The following RAB10 variants were observed in gnomAD, a reference collection of about 807,000 sequenced individuals.
The protein encoded by RAB10 is RAB10, member RAS oncogene family.
A neutral mutation model predicts 25.7 loss-of-function variants in RAB10; 5 were observed. The observed-to-expected ratio is 0.19, with a 90% CI of 0.10 to 0.41. The LOEUF (loss-of-function observed/expected upper bound fraction) is 0.41, where lower values mean the gene tolerates loss of function less well. RAB10 is among the 10% of genes least tolerant of loss of function. The probability of loss-of-function intolerance (pLI) is 1.00; values close to 1 mark genes in which losing one functional copy is unlikely to be tolerated. For missense variants in RAB10, 103 were observed against 245.8 expected (o/e 0.42, Z 3.89); for synonymous variants, 89 against 86.4 (o/e 1.03, Z -0.16).
intron 3 of RAB10, among the ~76,000 whole-genome samples, chr2:26,123,853 AAAG>A (rs1667853031): frequency 6.6e-6 from 1 of 152,160 alleles, no homozygotes; most frequent in African/African-American, 2.4e-5. Flanking sequence ...AAAAAGCAAA[AAAG>A]AAATTACAAT....
chr2:26,098,484 C>T (rs1251991289), intron 1 of RAB10, 178 bp from the exon 2 acceptor site: 3 of 556,444 alleles, frequency 5.4e-6, no homozygotes, highest in Non-Finnish European at 9.4e-6. Context: ...TATCCTGGAT[C>T]TTGTATTACT....
intron 1 of RAB10, among the ~76,000 whole-genome samples, chr2:26,071,290 C>T (rs1321707429): frequency 6.6e-6 from 1 of 152,216 alleles, no homozygotes; most frequent in African/African-American, 2.4e-5. Flanking sequence ...CTTGAAAGAA[C>T]AACTGGCAAA....
At chr2:26,034,003 C>G (rs1665697718), upstream of RAB10, 1 of 398,752 alleles carries the variant, frequency 2.5e-6, no homozygotes, top group Admixed American at 4.4e-5. Flanking sequence ...CGGCGCGCCC[C>G]CATGCCCTCT....
chr2:26,041,553 AAAAAAAAAAAAAAG>A (rs1302429248), intron 1 of RAB10, among the ~76,000 whole-genome samples: 5 of 150,026 alleles, frequency 3.3e-5, no homozygotes, highest in African/African-American at 1.2e-4. Context: ...CAAAAAAAAA[AAAAAAAAAAAAAAG>A]AATGTTAGCT....
chr2:26,123,991 A>G (rs1310443287), intron 3 of RAB10, among the ~76,000 whole-genome samples: 2 of 152,062 alleles, frequency 1.3e-5, no homozygotes, highest in South Asian at 2.1e-4. Context: ...AGCCTACTCA[A>G]TTTGAAGACA....
chr2:26,041,567 G>A (rs3856396), intron 1 of RAB10, among the ~76,000 whole-genome samples: 83,286 of 117,720 alleles, frequency 0.71, 27,961 homozygotes, highest in East Asian at 0.87. Flanking sequence ...AAAAAAAAAA[G>A]AATGTTAGCT....
In RAB10 at chr2:26,071,772, C is replaced by T. The variant is rs144845634; in HGVS notation, c.128-26890C>T. On this transcript the variant is annotated intron_variant, in intron 1 of 5. Transcript: ENST00000264710. Reference sequence around the variant, plus strand: ...ATTCCAGCTACCCAAGAGGCTGAAGCGGGAGGATTGTTTGAGCCTGGGAGT... The same window carrying T: ...ATTCCAGCTACCCAAGAGGCTGAAGTGGGAGGATTGTTTGAGCCTGGGAGT... Among the ~76,000 whole-genome samples, 390 of 151,512 alleles carry T rather than the reference C, an allele frequency of 2.6e-3. 5 individuals carry two copies. In the East Asian group the frequency reaches 0.033, roughly 13 times the overall value.
intron 1 of RAB10, among the ~76,000 whole-genome samples, chr2:26,065,838 T>C (rs1428470863): frequency 6.6e-6 from 1 of 152,198 alleles, no homozygotes; most frequent in Non-Finnish European, 1.5e-5. Flanking sequence ...TGGTAAAATA[T>C]TATAGTCTTT....
chr2:26,086,018 G>C (rs1201208454), intron 1 of RAB10, among the ~76,000 whole-genome samples: 1 of 114,986 alleles, frequency 8.7e-6, no homozygotes, highest in Non-Finnish European at 1.8e-5. Flanking sequence ...AAAAAAAAAA[G>C]GGGGGGGGCA....
At chr2:26,060,645 A>C (rs1666375005) in intron 1 of RAB10, among the ~76,000 whole-genome samples, 1 of 152,190 alleles carries the variant, frequency 6.6e-6, no homozygotes, top group South Asian at 2.1e-4. Flanking sequence ...CAGTGAGAAA[A>C]TTTTGGATTA....
intron 1 of RAB10, among the ~76,000 whole-genome samples, chr2:26,078,617 G>A (rs1194940607): frequency 6.6e-6 from 1 of 152,116 alleles, no homozygotes; most frequent in African/African-American, 2.4e-5. Flanking sequence ...AAAGAGGGGA[G>A]GGGTTGCGGA....
At chr2:26,131,556 A>G (rs1284183012) in intron 5 of RAB10, among the ~76,000 whole-genome samples, 1 of 152,230 alleles carries the variant, frequency 6.6e-6, no homozygotes, top group African/African-American at 2.4e-5. Flanking sequence ...TTATTTGGCT[A>G]CATGATTCAT....
intron 2 of RAB10, among the ~76,000 whole-genome samples, chr2:26,100,319 C>T (rs1399497626): frequency 6.6e-6 from 1 of 152,190 alleles, no homozygotes; most frequent in Non-Finnish European, 1.5e-5. Context: ...CAAAACTACT[C>T]TCTTATCCTC....
At chr2:26,076,333 T>G (rs1255419641) in intron 1 of RAB10, among the ~76,000 whole-genome samples, 1 of 152,202 alleles carries the variant, frequency 6.6e-6, no homozygotes, top group Non-Finnish European at 1.5e-5. Context: ...CTTTTCTTAA[T>G]TCTGAAAGTG....
At chr2:26,037,916 C>T (rs1004358010) in intron 1 of RAB10, among the ~76,000 whole-genome samples, 14 of 151,338 alleles carry the variant, frequency 9.3e-5, no homozygotes, top group African/African-American at 9.7e-5. Context: ...GACGGAGTTT[C>T]GTTCTTTTTG....
intron 1 of RAB10, among the ~76,000 whole-genome samples, chr2:26,085,659 A>G (rs1218728396): frequency 6.6e-6 from 1 of 152,114 alleles, no homozygotes; most frequent in African/African-American, 2.4e-5. Context: ...AGAATGGAAG[A>G]AAACATTTGC....
At chr2:26,126,192 C>T (rs1228424199) in intron 3 of RAB10, among the ~76,000 whole-genome samples, 1 of 152,172 alleles carries the variant, frequency 6.6e-6, no homozygotes, top group Admixed American at 6.5e-5. Flanking sequence ...TTTCTGGGCT[C>T]TCTATTCCAT....
chr2:26,057,708 C>A (rs1666298655), intron 1 of RAB10, among the ~76,000 whole-genome samples: 1 of 151,632 alleles, frequency 6.6e-6, no homozygotes, highest in African/African-American at 2.4e-5. Context: ...CTGCAACCTT[C>A]ATCTCCCGAG....
intron 3 of RAB10, among the ~76,000 whole-genome samples, chr2:26,111,413 T>C (rs979191925): frequency 6.6e-6 from 1 of 152,158 alleles, no homozygotes; most frequent in Non-Finnish European, 1.5e-5. Context: ...GAGACCAGCC[T>C]GACCAACATG....
Sources: gnomAD v4.1 joint callset for allele counts (sites outside exome capture counted in the v4.1 genomes callset) on GRCh38, gnomAD v4.1.1 for gene constraint, MANE v1.5 for transcripts, NCBI Gene and HGNC (gene_info 2026-07-23, HGNC 2026-07-21) for gene names.